RERE: variants seen among roughly 807,000 people sequenced by gnomAD.
RERE encodes arginine-glutamic acid dipeptide repeats protein.
Under a neutral mutation model 146.1 loss-of-function variants are expected in RERE, and 40 were observed. That is an observed-to-expected ratio of 0.27 (90% CI 0.21 to 0.36). The LOEUF is 0.36. Among genes scored for constraint, RERE ranks in the 10% least tolerant of loss-of-function variants. RERE has a pLI of 1.00. For missense variants in RERE, 1,933 were observed against 2,138.7 expected (o/e 0.90, Z 1.90); for synonymous variants, 1,003 against 866.0 (o/e 1.16, Z -2.78).
intron 4 of RERE, among the ~76,000 whole-genome samples, chr1:8,603,778 G>A (rs1646662770): frequency 6.6e-6 from 1 of 151,836 alleles, no homozygotes; most frequent in African/African-American, 2.4e-5. Flanking sequence ...AACATAAGGA[G>A]GAGACCCTGT....
intron 8 of RERE, among the ~76,000 whole-genome samples, chr1:8,506,145 T>C (rs188936421): frequency 6.6e-6 from 1 of 152,232 alleles, no homozygotes; most frequent in Admixed American, 6.5e-5. Context: ...AAATGGGTAG[T>C]AAAATACAGT....
At chr1:8,794,078 A>T (rs1212727425) in intron 1 of RERE, among the ~76,000 whole-genome samples, 22 of 144,438 alleles carry the variant, frequency 1.5e-4, no homozygotes, top group African/African-American at 5.1e-4. Context: ...AAAAAAAAAA[A>T]TTTTTTTTTT....
At chr1:8,610,023 C>T (rs1009442658) in intron 4 of RERE, among the ~76,000 whole-genome samples, 1 of 152,070 alleles carries the variant, frequency 6.6e-6, no homozygotes, top group Admixed American at 6.5e-5. Flanking sequence ...ACCGCCCCAG[C>T]CTCCCAAACT....
intron 12 of RERE, among the ~76,000 whole-genome samples, chr1:8,409,761 T>C (rs944538631): frequency 1.3e-5 from 2 of 152,186 alleles, no homozygotes; most frequent in East Asian, 3.8e-4. Context: ...AGAAATTAAC[T>C]GGTGCTAAGA....
Position 8,358,659 on chromosome 1 carries a change from G to A in RERE, c.3876C>T (p.Leu1292=). 6.3e-7 allele frequency: 1 copy of A among 1,586,012 alleles called. No individual in the cohort carries two copies. Among genetic ancestry groups the A allele is most frequent in the Middle Eastern group, 1.7e-4 (1 of 5,906 alleles). ...CGCGGATGGTGGGGTCGACGTTGTA[G>A]AGGCCAGGCATGTGGTAGGCCAGCA... The part of the protein sequence containing the change: ...DPLLAYHMPG[L]YNVDPTIRER... The change falls in exon 20 of 23, where the codon CTC becomes CTT. Residue 1292 remains leucine (L), a synonymous_variant. Transcript: ENST00000400908.
chr1:8,372,902 C>T lies in RERE; in HGVS notation c.1285-6928G>A, dbSNP rs574835219. Among the ~76,000 whole-genome samples, 38 of 152,320 alleles carry T rather than the reference C, an allele frequency of 2.5e-4. No homozygotes were observed. In the South Asian group the frequency reaches 6.6e-3, roughly 27 times the overall value. ...TTTCCAATGGGCACCCTTTCTGGGCCATGCATCGCCCACTAAAAAGGAGGG... is the reference window on the plus strand; with the variant it reads ...TTTCCAATGGGCACCCTTTCTGGGCTATGCATCGCCCACTAAAAAGGAGGG... On this transcript the variant is annotated intron_variant, in intron 12 of 22. Coordinates refer to ENST00000400908, the MANE Select transcript of RERE (RefSeq NM_001042681.2).
At chr1:8,678,609 C>T (rs1053585677) in intron 1 of RERE, among the ~76,000 whole-genome samples, 5 of 151,862 alleles carry the variant, frequency 3.3e-5, no homozygotes, top group Admixed American at 2.6e-4. Context: ...TGCAGGGAGG[C>T]GGAGGTTGCA....
intron 4 of RERE, among the ~76,000 whole-genome samples, chr1:8,559,509 CA>C (rs1169154185): frequency 6.6e-6 from 1 of 150,664 alleles, no homozygotes. Context: ...TTTCTGATGG[CA>C]AAAAAAACTT....
At chr1:8,502,215 G>A (rs1378647122) in intron 8 of RERE, among the ~76,000 whole-genome samples, 7 of 96,096 alleles carry the variant, frequency 7.3e-5, no homozygotes, top group Non-Finnish European at 1.3e-4. Context: ...GAGGTGGGGG[G>A]ATCAGCCCCC....
intron 2 of RERE, among the ~76,000 whole-genome samples, chr1:8,636,498 C>G (rs935347027): frequency 1.3e-5 from 2 of 151,968 alleles, no homozygotes; most frequent in East Asian, 3.9e-4. Context: ...GACCACTGCA[C>G]TCCAGCCTGG....
intron 8 of RERE, among the ~76,000 whole-genome samples, chr1:8,506,361 A>C (rs561240063): frequency 9.5e-4 from 145 of 152,362 alleles, no homozygotes; most frequent in African/African-American, 3.4e-3. Flanking sequence ...TGGGATGAGA[A>C]GTATCTTCTA....
At chr1:8,518,050 C>T (rs930537277) in intron 7 of RERE, among the ~76,000 whole-genome samples, 1 of 152,314 alleles carries the variant, frequency 6.6e-6, no homozygotes, top group East Asian at 1.9e-4. Flanking sequence ...GCCACTTCTT[C>T]ACCCTGAAGA....
At chr1:8,526,036 A>C (rs1645566135) in intron 7 of RERE, 1 of 1,248,642 alleles carries the variant, frequency 8.0e-7, no homozygotes, top group African/African-American at 1.6e-5. Context: ...CGACGCAATC[A>C]ATCTCAACCC....
At chr1:8,675,474 C>T (rs1170480201) in intron 1 of RERE, among the ~76,000 whole-genome samples, 14 of 123,640 alleles carry the variant, frequency 1.1e-4, no homozygotes, top group Admixed American at 1.0e-4. Flanking sequence ...ACCTGGGCAA[C>T]GTCGCAAAAC....
intron 7 of RERE, among the ~76,000 whole-genome samples, chr1:8,519,053 G>T (rs1645456779): frequency 6.6e-6 from 1 of 152,166 alleles, no homozygotes; most frequent in South Asian, 2.1e-4. Context: ...AAAGAGCATG[G>T]TCTTCAGAAT....
intron 1 of RERE, among the ~76,000 whole-genome samples, chr1:8,725,676 C>G (rs1639948008): frequency 6.6e-6 from 1 of 152,144 alleles, no homozygotes. Context: ...GCCTAAGACC[C>G]TAAGAAGCTC....
chr1:8,564,939 T>C (rs1026286161), intron 4 of RERE, among the ~76,000 whole-genome samples: 1 of 151,306 alleles, frequency 6.6e-6, no homozygotes, highest in Admixed American at 6.6e-5. Context: ...ACAACATGAA[T>C]TGAACTGGAG....
intron 1 of RERE, among the ~76,000 whole-genome samples, chr1:8,733,256 A>C (rs931167692): frequency 6.6e-6 from 1 of 152,228 alleles, no homozygotes; most frequent in African/African-American, 2.4e-5. Flanking sequence ...AATAATTTAC[A>C]TTTTAACCAA....
At chr1:8,566,273 T>A (rs936110750) in intron 4 of RERE, among the ~76,000 whole-genome samples, 2 of 151,998 alleles carry the variant, frequency 1.3e-5, no homozygotes, top group African/African-American at 4.8e-5. Context: ...GCCACACAAC[T>A]CCCATTTCTA....
Sources: allele counts gnomAD v4.1 joint callset (sites outside exome capture counted in the v4.1 genomes callset), GRCh38; gene constraint gnomAD v4.1.1; transcripts MANE v1.5; gene names NCBI Gene and HGNC (gene_info 2026-07-23, HGNC 2026-07-21).